CYP4X1: variants seen among roughly 807,000 people sequenced by gnomAD.
CYP4X1 encodes the protein cytochrome P450 family 4 subfamily X member 1.
In CYP4X1, 44 loss-of-function variants were observed where a neutral mutation model predicts 57.9. That is an observed-to-expected ratio of 0.76 (90% CI 0.60 to 0.98). CYP4X1 has a LOEUF of 0.98. Ranked by LOEUF, CYP4X1 falls within the 50% of genes least tolerant of loss-of-function variation. CYP4X1 has a pLI of 0.00. For synonymous variants in CYP4X1, 227 were observed against 228.6 expected (o/e 0.99, Z 0.06); for missense variants, 532 against 623.9 (o/e 0.85, Z 1.57).
chr1:47,009,191 A>C, the CYP4X1 span, among the ~76,000 whole-genome samples: 1 of 152,188 alleles, frequency 6.6e-6, no homozygotes, highest in Non-Finnish European at 1.5e-5. Flanking sequence ...CAAAAAGAAC[A>C]GAAATTATAA....
the CYP4X1 span, among the ~76,000 whole-genome samples, chr1:47,010,495 T>A: frequency 6.6e-6 from 1 of 152,276 alleles, no homozygotes; most frequent in East Asian, 1.9e-4. Flanking sequence ...CTTTGAAAAC[T>A]GGCACAAGAC....
At chr1:46,978,214 C>T in the CYP4X1 span, among the ~76,000 whole-genome samples, 1 of 152,008 alleles carries the variant, frequency 6.6e-6, no homozygotes, top group Non-Finnish European at 1.5e-5. Context: ...CATCAGTGTG[C>T]TGTATTGAGG....
At chr1:46,994,952 C>T in the CYP4X1 span, among the ~76,000 whole-genome samples, 1 of 152,148 alleles carries the variant, frequency 6.6e-6, no homozygotes. Context: ...GGAGTAGAAA[C>T]TTCTGTTAAA....
At chr1:46,969,320 A>G in the CYP4X1 span, among the ~76,000 whole-genome samples, 1 of 152,232 alleles carries the variant, frequency 6.6e-6, no homozygotes, top group African/African-American at 2.4e-5. Flanking sequence ...CTGATGAACC[A>G]TGAGTAAAAT....
At chr1:47,049,273 A>G in intron 10 of CYP4X1, 149 bp from the exon 11 acceptor site, 1 of 592,012 alleles carries the variant, frequency 1.7e-6, no homozygotes, top group Non-Finnish European at 3.0e-6. Flanking sequence ...ATTAAGATTA[A>G]CTTCACCTTT....
chr1:47,038,196 G>C (rs945169578), intron 6 of CYP4X1, among the ~76,000 whole-genome samples: 6 of 151,986 alleles, frequency 3.9e-5, no homozygotes, highest in Admixed American at 3.9e-4. Flanking sequence ...ATGTACCCCT[G>C]TATCTAAAAT....
In CYP4X1 at chr1:47,031,787, A is replaced by G. The variant is rs187885752; in HGVS notation, c.364+307A>G. 3.7e-3 allele frequency among the ~76,000 whole-genome samples: 562 copies of G among 152,270 alleles called. 8 individuals carry two copies. Among genetic ancestry groups the G allele is most frequent in the African/African-American group, 0.013 (533 of 41,556 alleles). On this transcript the variant is annotated intron_variant, in intron 3 of 11. Coordinates refer to ENST00000371901, the MANE Select transcript of CYP4X1 (RefSeq NM_178033.2). ...CCAGGCACAGTGACTCATGCATGTA[A>G]TCCCAGCACTTTGGGAGGCCAAGGT... is the stretch of plus-strand genomic sequence containing the variant.
At chr1:46,962,945 G>A in the CYP4X1 span, among the ~76,000 whole-genome samples, 2 of 152,134 alleles carry the variant, frequency 1.3e-5, no homozygotes, top group African/African-American at 4.8e-5. Context: ...CCTATATTGG[G>A]TGCATATATA....
intron 8 of CYP4X1, among the ~76,000 whole-genome samples, chr1:47,045,245 A>G (rs932336009): frequency 7.2e-5 from 11 of 152,228 alleles, no homozygotes; most frequent in African/African-American, 9.7e-5. Flanking sequence ...TAAAAACACA[A>G]TAAGATAAAC....
downstream of CYP4X1, among the ~76,000 whole-genome samples, chr1:47,054,840 C>G (rs568508155): frequency 2.2e-4 from 33 of 152,140 alleles, no homozygotes; most frequent in African/African-American, 6.7e-4. Flanking sequence ...GGGGTTTTCT[C>G]AATATACAGT....
intron 8 of CYP4X1, among the ~76,000 whole-genome samples, chr1:47,041,069 C>CT (rs1644241735): frequency 1.3e-5 from 2 of 152,120 alleles, no homozygotes; most frequent in Admixed American, 6.6e-5. Context: ...GCTTATTTCA[C>CT]TTAGCATAAT....
chr1:47,003,420 AT>A, the CYP4X1 span, among the ~76,000 whole-genome samples: 1 of 152,130 alleles, frequency 6.6e-6, no homozygotes, highest in Non-Finnish European at 1.5e-5. Context: ...GGTCCCTGCA[AT>A]TTCCATCTCC....
At chr1:47,008,552 G>C in the CYP4X1 span, among the ~76,000 whole-genome samples, 1 of 152,144 alleles carries the variant, frequency 6.6e-6, no homozygotes, top group Non-Finnish European at 1.5e-5. Flanking sequence ...CATAATGACA[G>C]GATCAAATTC....
At chr1:47,038,896 G>A in intron 7 of CYP4X1, 130 bp downstream of exon 7, 1 of 629,816 alleles carries the variant, frequency 1.6e-6, no homozygotes. Flanking sequence ...TTGAATTGAT[G>A]AGCAGCTTCA....
the CYP4X1 span, among the ~76,000 whole-genome samples, chr1:46,978,270 G>C: frequency 6.6e-6 from 1 of 152,016 alleles, no homozygotes; most frequent in African/African-American, 2.4e-5. Flanking sequence ...AAAATAAAGG[G>C]ATGGAGGAAG....
At chr1:47,042,978 T>C (rs1252029063) in intron 8 of CYP4X1, among the ~76,000 whole-genome samples, 1 of 152,212 alleles carries the variant, frequency 6.6e-6, no homozygotes, top group East Asian at 1.9e-4. Context: ...TACCCTGTAG[T>C]GGGATTGCTG....
upstream of CYP4X1, among the ~76,000 whole-genome samples, chr1:47,020,844 T>C (rs1441391725): frequency 6.6e-6 from 1 of 152,204 alleles, no homozygotes; most frequent in East Asian, 1.9e-4. Context: ...ATAATTTCGG[T>C]CAAAGGTTAG....
At chr1:47,027,946 T>A (rs948349730) in intron 1 of CYP4X1, among the ~76,000 whole-genome samples, 1 of 152,184 alleles carries the variant, frequency 6.6e-6, no homozygotes, top group Non-Finnish European at 1.5e-5. Context: ...ATATAAAATC[T>A]GTGAGAGGTA....
upstream of CYP4X1, among the ~76,000 whole-genome samples, chr1:47,021,917 C>T (rs1182136673): frequency 1.2e-4 from 19 of 152,150 alleles, no homozygotes; most frequent in Admixed American, 1.2e-3. Flanking sequence ...GGGACCGGAC[C>T]AGGCAAGATA....
Sources: gnomAD v4.1 joint callset for allele counts (sites outside exome capture counted in the v4.1 genomes callset) on GRCh38, gnomAD v4.1.1 for gene constraint, MANE v1.5 for transcripts, NCBI Gene and HGNC (gene_info 2026-07-23, HGNC 2026-07-21) for gene names.